Variants in NAT1 observed in about 807,000 individuals in gnomAD.
NAT1 encodes arylamine N-acetyltransferase 1.
For missense variants in NAT1, 400 were observed against 339.2 expected (o/e 1.18, Z -1.41); for synonymous variants, 144 against 122.6 (o/e 1.17, Z -1.16).
intron 2 of NAT1, among the ~76,000 whole-genome samples, chr8:18,187,772 G>T (rs954827594): frequency 1.3e-5 from 2 of 152,034 alleles, no homozygotes; most frequent in African/African-American, 4.8e-5. Flanking sequence ...TATTACCCGG[G>T]TGATGAAATA....
Position 18,222,322 on chromosome 8 carries a change from A to G in NAT1, c.275A>G (p.Tyr92Cys), listed in dbSNP as rs771574299. The change falls in exon 3 of 3, where the codon TAT (tyrosine) becomes TGT (cysteine). Residue 92 changes from tyrosine to cysteine, a missense_variant. Transcript: ENST00000307719. ...IGFETTMLGG[Y>C]VYSTPAKKYS... is the part of the protein sequence containing the mutation. ...TTTGAGACCACGATGTTGGGAGGGT[A>G]TGTTTACAGCACTCCAGCCAAAAAA... The G allele has an allele frequency of 1.2e-6, 2 of 1,614,106 alleles. No homozygotes were observed. The highest frequency in any genetic ancestry group is 8.5e-7 in the Non-Finnish European group (1 of 1,180,006).
chr8:18,184,234 A>T (rs1265861124), intron 2 of NAT1, among the ~76,000 whole-genome samples: 2 of 152,198 alleles, frequency 1.3e-5, no homozygotes, highest in Non-Finnish European at 2.9e-5. Flanking sequence ...TTAGAACCAC[A>T]TAGATGCCTC....
chr8:18,218,069 C>A (rs1381424877), intron 1 of NAT1, among the ~76,000 whole-genome samples: 1 of 152,134 alleles, frequency 6.6e-6, no homozygotes, highest in Non-Finnish European at 1.5e-5. Context: ...CTGGTGTTAA[C>A]AGGAAGACTG....
intron 2 of NAT1, among the ~76,000 whole-genome samples, chr8:18,176,816 G>T (rs1374739194): frequency 6.6e-6 from 1 of 151,726 alleles, no homozygotes; most frequent in East Asian, 1.9e-4. Context: ...GGGTATTATG[G>T]ATAGTTTAAC....
At chr8:18,211,803 G>C (rs1804133166) in intron 1 of NAT1, among the ~76,000 whole-genome samples, 1 of 119,054 alleles carries the variant, frequency 8.4e-6, no homozygotes, top group South Asian at 2.9e-4. Flanking sequence ...AAAGAAAAGA[G>C]AAGGAATAGG....
intron 2 of NAT1, among the ~76,000 whole-genome samples, chr8:18,176,603 G>GAT (rs1554466833): frequency 6.7e-6 from 1 of 150,072 alleles, no homozygotes; most frequent in Non-Finnish European, 1.5e-5. Flanking sequence ...TTTTTGTTTT[G>GAT]TTTTGTTTTT....
At chr8:18,205,080 T>C (rs1046891853) in intron 2 of NAT1, among the ~76,000 whole-genome samples, 7 of 152,162 alleles carry the variant, frequency 4.6e-5, no homozygotes, top group African/African-American at 1.7e-4. Context: ...TCCCGGACCA[T>C]TGGTCACTAC....
intron 1 of NAT1, among the ~76,000 whole-genome samples, chr8:18,210,642 A>T (rs1684881204): frequency 6.6e-6 from 1 of 152,230 alleles, no homozygotes; most frequent in African/African-American, 2.4e-5. Context: ...CAAAGGACCC[A>T]GTTAATCCTA....
intron 2 of NAT1, among the ~76,000 whole-genome samples, chr8:18,198,666 A>G (rs1803336620): frequency 6.6e-6 from 1 of 152,260 alleles, no homozygotes; most frequent in African/African-American, 2.4e-5. Flanking sequence ...GTATATATTT[A>G]AGGTGTAACA....
At chr8:18,175,829 C>G (rs1033111495) in intron 2 of NAT1, among the ~76,000 whole-genome samples, 1 of 152,090 alleles carries the variant, frequency 6.6e-6, no homozygotes, top group Admixed American at 6.6e-5. Flanking sequence ...ATGTTCCCAA[C>G]AGCATACAAG....
chr8:18,213,110 C>A (rs1223377201), intron 1 of NAT1, among the ~76,000 whole-genome samples: 1 of 150,768 alleles, frequency 6.6e-6, no homozygotes, highest in Non-Finnish European at 1.5e-5. Flanking sequence ...GGGGGTTTCA[C>A]CGTGTTGGCC....
At chr8:18,184,728 G>C (rs752867469) in intron 2 of NAT1, among the ~76,000 whole-genome samples, 1 of 152,170 alleles carries the variant, frequency 6.6e-6, no homozygotes, top group African/African-American at 2.4e-5. Context: ...GGCCTCTCCA[G>C]TCTATGAATG....
intron 2 of NAT1, among the ~76,000 whole-genome samples, chr8:18,194,038 CCTAA>C (rs1305807638): frequency 6.6e-6 from 1 of 152,128 alleles, no homozygotes; most frequent in Non-Finnish European, 1.5e-5. Context: ...AAGTAGACAT[CCTAA>C]CTGTTACTGG....
At chr8:18,179,447 C>T (rs1305293168) in intron 2 of NAT1, among the ~76,000 whole-genome samples, 1 of 152,084 alleles carries the variant, frequency 6.6e-6, no homozygotes, top group Admixed American at 6.6e-5. Flanking sequence ...GAAGCACCAG[C>T]CTGGAAGTGG....
chr8:18,183,556 A>G (rs1298621164), intron 2 of NAT1, among the ~76,000 whole-genome samples: 1 of 152,206 alleles, frequency 6.6e-6, no homozygotes, highest in African/African-American at 2.4e-5. Flanking sequence ...TTAGAGATAA[A>G]TAGCCCTGAG....
At position 18,210,847 on chromosome 8, in the gene NAT1, T is replaced by C. The variant is rs544927550; in HGVS notation, c.-86+667T>C. Among the ~76,000 whole-genome samples the C allele has an allele frequency of 3.3e-5, 5 of 152,308 alleles. No homozygotes were observed. In the South Asian group the frequency reaches 1.0e-3, roughly 32 times the overall value. On this transcript the variant is annotated intron_variant, in intron 1 of 2. Coordinates refer to ENST00000307719, the MANE Select transcript of NAT1 (RefSeq NM_000662.8). ...TGGAGTGCAGTGGCGTGATCTCAGC[T>C]TAGTGCATCCTCCTCCTCCTGAGTT... is the stretch of plus-strand genomic sequence containing the variant.
chr8:18,216,742 G>A (rs1212823494), intron 1 of NAT1: 1 of 573,178 alleles, frequency 1.7e-6, no homozygotes, highest in Non-Finnish European at 3.1e-6. Flanking sequence ...GAAGATAAAA[G>A]CAAAATTTCG....
intron 2 of NAT1, among the ~76,000 whole-genome samples, chr8:18,174,401 A>T (rs1359316980): frequency 6.6e-6 from 1 of 151,892 alleles, no homozygotes; most frequent in African/African-American, 2.4e-5. Context: ...AAGTCACCTC[A>T]CCCCTTAATT....
intron 2 of NAT1, among the ~76,000 whole-genome samples, chr8:18,191,883 A>G (rs1369095581): frequency 6.6e-6 from 1 of 152,062 alleles, no homozygotes; most frequent in African/African-American, 2.4e-5. Context: ...AACCATAAAA[A>G]CCCTAGAAGA....
Sources: allele counts gnomAD v4.1 joint callset (sites outside exome capture counted in the v4.1 genomes callset), GRCh38; gene constraint gnomAD v4.1.1; transcripts MANE v1.5; gene names NCBI Gene and HGNC (gene_info 2026-07-23, HGNC 2026-07-21).